Variants in CFAP46 observed in about 807,000 individuals in gnomAD.
CFAP46 encodes the protein cilia- and flagella-associated protein 46.
In CFAP46, 245 loss-of-function variants were observed where a neutral mutation model predicts 325.7. That is an observed-to-expected ratio of 0.75 (90% CI 0.68 to 0.84). The LOEUF is 0.84. CFAP46 is among the 40% of genes least tolerant of loss of function. The pLI, the probability that CFAP46 is intolerant of heterozygous loss-of-function variation, is 0.00. For missense variants in CFAP46, 3,346 were observed against 3,543.0 expected (o/e 0.94, Z 1.41); for synonymous variants, 1,523 against 1,495.9 (o/e 1.02, Z -0.42).
Position 132,834,436 on chromosome 10 carries a change from G to T in CFAP46, c.6866+218C>A, listed in dbSNP as rs1591042437. ...CCACCCCACACTTGGGCCAGGGGCT[G>T]GAGGGACCGTGGGCAGTGGGCAGTG... On this transcript the variant is annotated intron_variant, in intron 48 of 57. Transcript: ENST00000368586. 9.2e-5 allele frequency among the ~76,000 whole-genome samples: 14 copies of T among 152,328 alleles called. No individual in the cohort carries two copies. In the East Asian group the frequency reaches 2.5e-3, roughly 27 times the overall value.
chr10:132,833,942 A>AC (rs1034269103), intron 49 of CFAP46, 99 bp downstream of exon 49: 21 of 1,091,742 alleles, frequency 1.9e-5, no homozygotes, highest in Admixed American at 1.3e-4. Flanking sequence ...TGGGTTCCTG[A>AC]CCCCCCCTGG....
rs61862350 is a variant in CFAP46 at position 132,881,634 on chromosome 10, C to T, written c.3628-602G>A. ...CTGCACCGCACCCTCCGCAGCCCTG[C>T]GAGCCGGGGTTAGCCTGCACCGCAC... is the stretch of plus-strand genomic sequence containing the variant. On this transcript the variant is annotated intron_variant, in intron 27 of 57. Transcript: ENST00000368586. 1.9e-3 allele frequency among the ~76,000 whole-genome samples: 153 copies of T among 81,866 alleles called. 1 individual carries two copies. Among genetic ancestry groups the T allele is most frequent in the East Asian group, 3.6e-3 (12 of 3,324 alleles). 53.7% of individuals were successfully genotyped at this position (81,866 alleles called of 152,430 possible).
intron 4 of CFAP46, among the ~76,000 whole-genome samples, chr10:132,940,581 C>CT (rs368101100): frequency 0.012 from 1,772 of 144,992 alleles, 20 homozygotes; most frequent in African/African-American, 0.027. Context: ...AAAACAGACT[C>CT]TTTTTTTTTT....
At chr10:132,816,758 A>G (rs193089866) in intron 50 of CFAP46, among the ~76,000 whole-genome samples, 58 of 152,258 alleles carry the variant, frequency 3.8e-4, no homozygotes, top group Non-Finnish European at 7.6e-4. Flanking sequence ...AGTTTTTGAC[A>G]TTTCCATGAT....
intron 31 of CFAP46, among the ~76,000 whole-genome samples, chr10:132,875,101 T>TATAG (rs1848941076): frequency 6.6e-6 from 1 of 152,262 alleles, no homozygotes; most frequent in South Asian, 2.1e-4. Flanking sequence ...ATTACATTTC[T>TATAG]ATAGTTTATC....
intron 50 of CFAP46, among the ~76,000 whole-genome samples, chr10:132,822,651 T>C (rs1847891496): frequency 7.1e-6 from 1 of 140,088 alleles, no homozygotes; most frequent in South Asian, 2.6e-4. Flanking sequence ...TGTGCGCTGA[T>C]GTGTGCTGTG....
At chr10:132,931,324 G>C (rs1317693409) in intron 8 of CFAP46, among the ~76,000 whole-genome samples, 1 of 113,218 alleles carries the variant, frequency 8.8e-6, no homozygotes, top group Non-Finnish European at 1.8e-5. Context: ...CTCACGCAGA[G>C]CCTGGGCCTT....
chr10:132,937,144 A>AG, intron 6 of CFAP46, 89 bp from the exon 7 acceptor site: 1 of 732,258 alleles, frequency 1.4e-6, no homozygotes, highest in Non-Finnish European at 2.0e-6. Context: ...TTTCTCATTA[A>AG]TTTTGTATCT....
rs1476000314 is a variant in CFAP46, at chr10:132,899,167, C to G, written c.3057-46G>C. 4 of 1,520,228 alleles carry G rather than the reference C, an allele frequency of 2.6e-6. No individual in the cohort carries two copies. In the South Asian group the frequency reaches 5.1e-5, roughly 19 times the overall value. 94.2% of individuals were successfully genotyped at this position (1,520,228 alleles called of 1,614,324 possible). A position where few individuals can be genotyped will look rare whatever the true frequency, so the allele number is the denominator to read the frequency against. ...ACGCGGTGGCTCCACCTGGGCCCAC[C>G]TGGAGCTGCTGGACCAGGAGGGACA... On this transcript the variant is annotated intron_variant, in intron 23 of 57. Transcript: ENST00000368586.
Position 132,808,620 on chromosome 10 carries a change from T to C in CFAP46, c.7949A>G (p.Asp2650Gly), listed in dbSNP as rs780385855. ...SPALGAASARDPPPATSRKAA... is the reference protein window; with the variant it reads ...SPALGAASARGPPPATSRKAA... ...CTTGCGGGAAGTCGCTGGGGGAGGGTCCCTGGCTGAGGCTGCACCAAGGGC... is the reference window on the plus strand; with the variant it reads ...CTTGCGGGAAGTCGCTGGGGGAGGGCCCCTGGCTGAGGCTGCACCAAGGGC... Residue 2650 changes from aspartate (D) to glycine (G), a missense_variant, in exon 58 of 58, where the codon GAC becomes GGC. By Grantham distance (94) the Asp-to-Gly change is moderately conservative. Transcript: ENST00000368586. This position sits in a 1 kb window ranked among gnomAD's most constrained non-coding sequence, Gnocchi z 6.8. 2 of 1,608,976 alleles carry C rather than the reference T, an allele frequency of 1.2e-6. No homozygotes were observed. The highest frequency in any genetic ancestry group is 3.4e-5 in the Admixed American group (2 of 59,440).
intron 45 of CFAP46, 152 bp from the exon 46 acceptor site, chr10:132,836,370 C>T: frequency 1.4e-6 from 1 of 702,050 alleles, no homozygotes; most frequent in Non-Finnish European, 2.5e-6. Flanking sequence ...CCTCCAGGGG[C>T]ACCGCTGGGT....
intron 50 of CFAP46, among the ~76,000 whole-genome samples, chr10:132,822,899 G>GT (rs1847907326): frequency 7.0e-6 from 1 of 141,864 alleles, no homozygotes. Flanking sequence ...GATGTGTGCT[G>GT]ATGTGTGCTG....
chr10:132,864,524 G>A (rs1270641137), intron 35 of CFAP46, among the ~76,000 whole-genome samples: 1 of 115,528 alleles, frequency 8.7e-6, no homozygotes, highest in Admixed American at 1.0e-4. Context: ...CTGCCCCCCT[G>A]CCTGAGACCT....
intron 24 of CFAP46, chr10:132,898,631 T>G (rs886523291): frequency 7.7e-6 from 3 of 389,628 alleles, no homozygotes. Flanking sequence ...AGGTGGGGCC[T>G]GTCCTCCCTG....
rs1291819273 is a variant in CFAP46 at position 132,885,735 on chromosome 10, A to G, written c.3443+86T>C. ...GGGATGCAGTGGGTGGAGCACTCAC[A>G]GGCGGTGTGGGGAGCACTCACAGGC... is the stretch of plus-strand genomic sequence containing the variant. On this transcript the variant is annotated intron_variant, in intron 26 of 57. Transcript: ENST00000368586. The G allele has an allele frequency of 3.8e-4, 514 of 1,345,474 alleles. 2 individuals are homozygous for G. The highest frequency in any genetic ancestry group is 4.7e-4 in the Non-Finnish European group (487 of 1,028,534). The allele number at this position is 1,345,474 out of a possible 1,614,324, so 83.3% of individuals were successfully genotyped here. A position where few individuals can be genotyped will look rare whatever the true frequency, so the allele number is the denominator to read the frequency against.
chr10:132,939,697 C>A lies in CFAP46; in HGVS notation c.372-944G>T, dbSNP rs1283307477. Among the ~76,000 whole-genome samples, 1 of 152,160 alleles carries A rather than the reference C, an allele frequency of 6.6e-6. No individual in the cohort carries two copies. The highest frequency in any genetic ancestry group is 2.4e-5 in the African/African-American group (1 of 41,440). ...GGGGTGTCCTGACCAGACGGTCACG[C>A]CTGCTTGAGTCAGAGGGGTCATCAT... On this transcript the variant is annotated intron_variant, in intron 4 of 57. Coordinates refer to ENST00000368586, the MANE Select transcript of CFAP46 (RefSeq NM_001200049.3). The surrounding 1 kb of genome is among the most constrained non-coding windows in gnomAD (Gnocchi z 4.6).
intron 44 of CFAP46, among the ~76,000 whole-genome samples, chr10:132,844,557 C>T (rs769895874): frequency 2.6e-5 from 4 of 152,206 alleles, no homozygotes; most frequent in Non-Finnish European, 5.9e-5. Context: ...TTCGGTGCAG[C>T]TTTTCCATGA....
At chr10:132,845,422 G>A (rs1390745417) in intron 44 of CFAP46, among the ~76,000 whole-genome samples, 7 of 152,286 alleles carry the variant, frequency 4.6e-5, no homozygotes. Context: ...ACCCTCACCA[G>A]CAAAGCATTG....
chr10:132,909,419 T>C (rs571272962), intron 20 of CFAP46, among the ~76,000 whole-genome samples, 175 bp from the exon 21 acceptor site: 1 of 152,346 alleles, frequency 6.6e-6, no homozygotes, highest in East Asian at 1.9e-4. Context: ...CATCTTCTCA[T>C]ACAACGAGGA....
Sources: allele counts gnomAD v4.1 joint callset (sites outside exome capture counted in the v4.1 genomes callset), GRCh38; gene constraint gnomAD v4.1.1; non-coding constraint Gnocchi (gnomAD v3.1); transcripts MANE v1.5; gene names NCBI Gene and HGNC (gene_info 2026-07-23, HGNC 2026-07-21).